The following SIRPB1 variants were observed in gnomAD, a reference collection of about 807,000 sequenced individuals.
SIRPB1 encodes signal regulatory protein beta 1.
SIRPB1 carries 28 observed loss-of-function variants against 34.1 expected under a neutral mutation model. The ratio of observed to expected loss-of-function variants is 0.82; its 90% CI spans 0.61 to 1.12. The LOEUF is 1.12. SIRPB1 is among the 50% of genes most tolerant of loss of function. SIRPB1 has a pLI of 0.00. For missense variants in SIRPB1, 499 were observed against 507.0 expected (o/e 0.98, Z 0.15); for synonymous variants, 211 against 203.8 (o/e 1.04, Z -0.30).
chr20:1,615,963 G>A (rs989934137), intron 1 of SIRPB1, among the ~76,000 whole-genome samples: 7 of 151,750 alleles, frequency 4.6e-5, no homozygotes, highest in Admixed American at 1.3e-4. Flanking sequence ...TAAGGTAATC[G>A]CATTTACAAT....
chr20:1,568,038 G>A (rs1568680763), intron 4 of SIRPB1, among the ~76,000 whole-genome samples: 1 of 152,130 alleles, frequency 6.6e-6, no homozygotes, highest in Non-Finnish European at 1.5e-5. Flanking sequence ...GGGAAGTTGT[G>A]GGACCCTGAA....
At position 1,619,877 on chromosome 20, in the gene SIRPB1, C is replaced by A. The variant is rs865983979; in HGVS notation, c.68G>T (p.Arg23Ile). 18 of 1,612,614 alleles carry A rather than the reference C, an allele frequency of 1.1e-5. 1 individual carries two copies. In the Middle Eastern group the frequency reaches 1.7e-3, roughly 148 times the overall value. Residue 23 changes from arginine (R) to isoleucine (I), a missense_variant, in exon 1 of 6, where the codon AGA (arginine) becomes ATA (isoleucine). By Grantham distance (97) the Arg-to-Ile change is moderately conservative (BLOSUM62 -3). Coordinates refer to ENST00000381605, the MANE Select transcript of SIRPB1 (RefSeq NM_006065.5). ...CCGAAGGCAGTGCTCACCTGTGAGT[C>A]TCCCCAGCAGTAGCGTCATCAGCAG... ...PFLLMTLLLG[R>I]LTGVAGEDEL...
At chr20:1,614,568 C>G (rs954400937) in intron 1 of SIRPB1, among the ~76,000 whole-genome samples, 1 of 151,894 alleles carries the variant, frequency 6.6e-6, no homozygotes. Flanking sequence ...CTCTTGCCTA[C>G]CCATCTGCTT....
intron 5 of SIRPB1, among the ~76,000 whole-genome samples, 177 bp from the exon 6 acceptor site, chr20:1,565,674 A>G (rs753052001): frequency 4.7e-5 from 7 of 149,684 alleles, no homozygotes; most frequent in African/African-American, 7.5e-5. Flanking sequence ...CCAGCTCAGC[A>G]CTTCTTCCAA....
intron 4 of SIRPB1, among the ~76,000 whole-genome samples, chr20:1,569,090 A>C (rs2091186097): frequency 1.3e-5 from 2 of 152,220 alleles, no homozygotes; most frequent in African/African-American, 4.8e-5. Context: ...ACTTAGATGA[A>C]ATGGACCAAA....
In SIRPB1 at chr20:1,610,340, G is replaced by A. The variant is rs535000453; in HGVS notation, c.76+9529C>T. Among the ~76,000 whole-genome samples, 25 of 72,600 alleles carry A rather than the reference G, an allele frequency of 3.4e-4. 11 individuals carry two copies. The South Asian group carries it at 0.014, about 42-fold the overall frequency. The allele number at this position is 72,600 out of a possible 152,430, so 47.6% of individuals were successfully genotyped here. Reference sequence around the variant, plus strand: ...AGGAGACTGCCACGATTCAGATATGGACTCTGGCTCCAATTCTGCCACTAA... The same window carrying A: ...AGGAGACTGCCACGATTCAGATATGAACTCTGGCTCCAATTCTGCCACTAA... On this transcript the variant is annotated intron_variant, in intron 1 of 5. Transcript: ENST00000381605.
chr20:1,577,402 G>A (rs191608203), intron 2 of SIRPB1, among the ~76,000 whole-genome samples: 1 of 147,850 alleles, frequency 6.8e-6, no homozygotes, highest in Non-Finnish European at 1.5e-5. Flanking sequence ...CATCTGTAAA[G>A]GGGGTTGGGC....
chr20:1,578,095 AG>A, intron 2 of SIRPB1: 1 of 538,706 alleles, frequency 1.9e-6, no homozygotes, highest in South Asian at 2.1e-5. Flanking sequence ...GAAACACAAG[AG>A]CTGTAGAGCC....
rs952364070 is a variant in SIRPB1 at position 1,617,016 on chromosome 20, T to A, written c.76+2853A>T. On this transcript the variant is annotated intron_variant, in intron 1 of 5. Transcript: ENST00000381605. The stretch of plus-strand genomic sequence containing the variant: ...AGCTATCATCTCACACTTGTTAGAA[T>A]GGCTACTATAAAAAAGATGATAACT... Among the ~76,000 whole-genome samples the A allele has an allele frequency of 1.6e-4, 24 of 152,178 alleles. 1 individual carries two copies. Among genetic ancestry groups the A allele is most frequent in the Non-Finnish European group, 3.4e-4 (23 of 68,014 alleles).
Position 1,571,055 on chromosome 20 carries a change from G to A in SIRPB1, c.834C>T (p.Tyr278=), listed in dbSNP as rs764939384. The change falls in exon 4 of 6, where the codon TAC becomes TAT. Residue 278 remains tyrosine, a synonymous_variant. Coordinates refer to ENST00000381605, the MANE Select transcript of SIRPB1 (RefSeq NM_006065.5). ...ACCAGGTCAGCTGTAGTCCCCGGGG[G>A]TAGAAATTGCTCACCTGGCAGGTGA... The part of the protein sequence containing the change: ...ANVTCQVSNF[Y]PRGLQLTWLE... 7 of 1,614,208 alleles carry A rather than the reference G, an allele frequency of 4.3e-6. No individual in the cohort carries two copies. Among genetic ancestry groups the A allele is most frequent in the Non-Finnish European group, 5.1e-6 (6 of 1,180,012 alleles).
intron 4 of SIRPB1, among the ~76,000 whole-genome samples, chr20:1,566,586 T>C (rs2091139711): frequency 6.6e-6 from 1 of 152,156 alleles, no homozygotes; most frequent in African/African-American, 2.4e-5. Flanking sequence ...GCAGGGATTA[T>C]TATTCCATTC....
intron 5 of SIRPB1, among the ~76,000 whole-genome samples, chr20:1,565,794 A>G (rs2091120648): frequency 6.6e-6 from 1 of 151,596 alleles, no homozygotes; most frequent in Non-Finnish European, 1.5e-5. Flanking sequence ...GGTGGGGATT[A>G]CTTTGAACCC....
rs1441282275 is a variant in SIRPB1, at chr20:1,562,917, G to C, written c.*2583C>G. On this transcript the variant is annotated 3_prime_UTR_variant, in exon 6 of 6. Transcript: ENST00000381605. Reference sequence around the variant, plus strand: ...TGCAAGTGAGGTTCAAATTGAATGTGAGTGGAATTCTAGAAGTACAAATAG... The same window carrying C: ...TGCAAGTGAGGTTCAAATTGAATGTCAGTGGAATTCTAGAAGTACAAATAG... Among the ~76,000 whole-genome samples the C allele has an allele frequency of 6.6e-6, 1 of 152,204 alleles. No individual in the cohort carries two copies. The highest frequency in any genetic ancestry group is 1.5e-5 in the Non-Finnish European group (1 of 68,036).
rs1241014291 is a variant in SIRPB1 at position 1,578,636 on chromosome 20, T to C, written c.135A>G (p.Ala45=). The C allele has an allele frequency of 2.5e-6, 4 of 1,584,294 alleles. 1 individual carries two copies. Among genetic ancestry groups the C allele is most frequent in the Non-Finnish European group, 3.5e-6 (4 of 1,157,740 alleles). ...VIQPEKSVSV[A]AGESATLRCA... is the part of the protein sequence containing the mutation. ...AGCGCAGAGTGGCCGACTCTCCAGC[T>C]GCAACTGATACGGACTTTTCAGGCT... Residue 45 remains alanine (A), a synonymous_variant, in exon 2 of 6, where the codon GCA becomes GCG. Coordinates refer to ENST00000381605, the MANE Select transcript of SIRPB1 (RefSeq NM_006065.5).
chr20:1,615,050 A>C (rs1472898923), intron 1 of SIRPB1, among the ~76,000 whole-genome samples: 1 of 152,236 alleles, frequency 6.6e-6, no homozygotes, highest in Non-Finnish European at 1.5e-5. Context: ...TGTGATATGC[A>C]TATTAATGTC....
chr20:1,566,086 T>A, intron 5 of SIRPB1, 67 bp downstream of exon 5: 1 of 956,312 alleles, frequency 1.0e-6, no homozygotes. Flanking sequence ...GCATGTGAGC[T>A]GGGCCCTCCT....
intron 1 of SIRPB1, among the ~76,000 whole-genome samples, chr20:1,579,505 C>T (rs371524487): frequency 3.4e-5 from 5 of 148,562 alleles, no homozygotes; most frequent in South Asian, 2.1e-4. Context: ...TTCTCCCTTC[C>T]GGAGACCACG....
chr20:1,614,712 C>A (rs2091605652), intron 1 of SIRPB1, among the ~76,000 whole-genome samples: 1 of 151,980 alleles, frequency 6.6e-6, no homozygotes, highest in Admixed American at 6.6e-5. Context: ...CCTCAAAATT[C>A]AACCAGCAGG....
chr20:1,570,285 T>G (rs561773014), intron 4 of SIRPB1, among the ~76,000 whole-genome samples: 1 of 152,374 alleles, frequency 6.6e-6, no homozygotes, highest in South Asian at 2.1e-4. Flanking sequence ...AAGCCTGTGC[T>G]GTGACCAGGT....
Sources: gnomAD v4.1 joint callset for allele counts (sites outside exome capture counted in the v4.1 genomes callset) on GRCh38, gnomAD v4.1.1 for gene constraint, MANE v1.5 for transcripts, NCBI Gene and HGNC (gene_info 2026-07-23, HGNC 2026-07-21) for gene names.